The following OPCML variants were observed in gnomAD, a reference collection of about 807,000 sequenced individuals.
OPCML encodes the protein opioid-binding protein/cell adhesion molecule.
OPCML carries 13 observed loss-of-function variants against 37.8 expected under a neutral mutation model. The observed-to-expected ratio is 0.34, with a 90% CI of 0.22 to 0.55. OPCML has a LOEUF of 0.55. OPCML is among the 20% of genes least tolerant of loss of function. The pLI is 0.91. For synonymous variants in OPCML, 176 were observed against 168.8 expected, an observed-to-expected ratio of 1.04 and a Z score of -0.33; for missense variants, 341 against 435.6, an observed-to-expected ratio of 0.78 and a Z score of 1.93.
intron 1 of OPCML, among the ~76,000 whole-genome samples, chr11:133,003,053 T>C (rs936808212): frequency 7.2e-5 from 11 of 152,320 alleles, no homozygotes; most frequent in Admixed American, 6.5e-4. Flanking sequence ...AACAGCAGCA[T>C]ATGCCAGATA....
At chr11:132,912,038 G>T (rs1944444526) in intron 2 of OPCML, among the ~76,000 whole-genome samples, 1 of 151,986 alleles carries the variant, frequency 6.6e-6, no homozygotes, top group Non-Finnish European at 1.5e-5. Context: ...TGAGATTCTG[G>T]GTATTAAGCT....
chr11:132,877,760 G>A (rs908658443), intron 2 of OPCML, among the ~76,000 whole-genome samples: 1 of 152,052 alleles, frequency 6.6e-6, no homozygotes, highest in African/African-American at 2.4e-5. Context: ...CTCCAAGCTG[G>A]GGTCATGCAA....
chr11:133,089,745 G>T (rs1025864669), intron 1 of OPCML, among the ~76,000 whole-genome samples: 2 of 151,224 alleles, frequency 1.3e-5, no homozygotes, highest in African/African-American at 4.9e-5. Flanking sequence ...TGTTGAGAAG[G>T]GGGGACTTCA....
chr11:133,080,798 G>A (rs375588006), intron 1 of OPCML, among the ~76,000 whole-genome samples: 24 of 152,184 alleles, frequency 1.6e-4, no homozygotes, highest in Middle Eastern at 3.4e-3. Flanking sequence ...CACCTTGCAG[G>A]CATCTGTTTG....
chr11:133,532,363 T>G lies in OPCML; in HGVS notation c.-39A>C, dbSNP rs1161108725. On this transcript the variant is annotated 5_prime_UTR_variant, in exon 1 of 8. Coordinates refer to ENST00000524381, the MANE Select transcript of OPCML (RefSeq NM_001012393.5). Reference sequence around the variant, plus strand: ...TGCTCTCAGCTGCCGGGCTTGCTACTGCTTCTGCTGCTGCTACCGCTGCTG... The same window carrying G: ...TGCTCTCAGCTGCCGGGCTTGCTACGGCTTCTGCTGCTGCTACCGCTGCTG... The G allele has an allele frequency of 2.5e-6, 4 of 1,603,798 alleles. No homozygotes were observed. Among genetic ancestry groups the G allele is most frequent in the Non-Finnish European group, 2.6e-6 (3 of 1,174,458 alleles).
rs1945605572 is a variant in OPCML, at chr11:132,745,658, C to CA, written c.147-88340dup. Reference sequence around the variant, plus strand: ...TCTCTCTTTCTTGAGGGTTTTTCTCCATCTTCCCAACCACTTCCCTGGCTC... The same window carrying CA: ...TCTCTCTTTCTTGAGGGTTTTTCTCCAATCTTCCCAACCACTTCCCTGGCTC... On this transcript the variant is annotated intron_variant, in intron 2 of 7. Coordinates refer to ENST00000524381, the MANE Select transcript of OPCML (RefSeq NM_001012393.5). 2.0e-5 allele frequency among the ~76,000 whole-genome samples: 3 copies of CA among 151,886 alleles called. No individual in the cohort carries two copies. In the South Asian group the frequency reaches 6.3e-4, roughly 32 times the overall value.
chr11:132,943,437 C>A lies in OPCML; in HGVS notation c.62-427G>T. The A allele has an allele frequency of 2.9e-6, 1 of 346,162 alleles. No individual in the cohort carries two copies. Among genetic ancestry groups the A allele is most frequent in the Non-Finnish European group, 5.4e-6 (1 of 183,820 alleles). 21.4% of individuals were successfully genotyped at this position (346,162 alleles called of 1,614,324 possible). The stretch of plus-strand genomic sequence containing the variant: ...ATTGCGCTTTCTCTGCCTCTCTCTT[C>A]GAGACGCTACTTTAAGATTCAGTTG... On this transcript the variant is annotated intron_variant, in intron 1 of 7. Transcript: ENST00000524381. The surrounding 1 kb of genome is among the most constrained non-coding windows in gnomAD (Gnocchi z 4.3).
intron 3 of OPCML, among the ~76,000 whole-genome samples, chr11:132,588,563 C>G (rs2096478056): frequency 6.6e-6 from 1 of 152,166 alleles, no homozygotes; most frequent in African/African-American, 2.4e-5. Flanking sequence ...CAGATGTGAG[C>G]AGCTCTGCTC....
chr11:133,059,308 G>A lies in OPCML; in HGVS notation c.62-116298C>T, dbSNP rs1948297593. Among the ~76,000 whole-genome samples the A allele has an allele frequency of 2.0e-5, 3 of 152,336 alleles. No individual in the cohort carries two copies. In the South Asian group the frequency reaches 6.2e-4, roughly 32 times the overall value. On this transcript the variant is annotated intron_variant, in intron 1 of 7. Transcript: ENST00000524381. ...GGATTCTTTCATCTGGTGGTTCTTAGAGTGTGATCCACAAATCTCTAAGAC... is the reference window on the plus strand; with the variant it reads ...GGATTCTTTCATCTGGTGGTTCTTAAAGTGTGATCCACAAATCTCTAAGAC...
chr11:133,483,795 T>TAGATAGATAGATA (rs1555165668), intron 1 of OPCML, among the ~76,000 whole-genome samples: 1 of 132,346 alleles, frequency 7.6e-6, no homozygotes. Flanking sequence ...GATACATAGA[T>TAGATAGATAGATA]GATAGATAGA....
At chr11:132,603,973 C>G (rs916637815) in intron 3 of OPCML, among the ~76,000 whole-genome samples, 1 of 152,176 alleles carries the variant, frequency 6.6e-6, no homozygotes, top group African/African-American at 2.4e-5. Flanking sequence ...TATCAGTGAA[C>G]TTGCAAGGGG....
At chr11:132,794,126 T>C (rs1938138432) in intron 2 of OPCML, among the ~76,000 whole-genome samples, 1 of 152,226 alleles carries the variant, frequency 6.6e-6, no homozygotes, top group East Asian at 1.9e-4. Context: ...GTGCCCTTGT[T>C]AGCCCCCTCC....
chr11:132,739,850 T>C (rs1945381331), intron 2 of OPCML, among the ~76,000 whole-genome samples: 1 of 152,140 alleles, frequency 6.6e-6, no homozygotes, highest in Non-Finnish European at 1.5e-5. Context: ...TCAATGCCTC[T>C]CTGGACCCCA....
intron 1 of OPCML, among the ~76,000 whole-genome samples, chr11:132,968,137 G>A (rs1359689086): frequency 2.0e-5 from 3 of 152,102 alleles, no homozygotes; most frequent in African/African-American, 7.2e-5. Flanking sequence ...TTTTATTTTG[G>A]TGGGTGCTGA....
At chr11:132,682,162 T>C (rs1184474121) in intron 2 of OPCML, among the ~76,000 whole-genome samples, 1 of 152,050 alleles carries the variant, frequency 6.6e-6, no homozygotes, top group African/African-American at 2.4e-5. Context: ...TCCTGCACCC[T>C]CTCACCTGAG....
intron 3 of OPCML, among the ~76,000 whole-genome samples, chr11:132,584,415 AAGG>A (rs1164446760): frequency 6.6e-6 from 1 of 152,204 alleles, no homozygotes; most frequent in East Asian, 1.9e-4. Context: ...TGTTTATTTG[AAGG>A]TCAATTATTC....
At chr11:133,336,753 C>T (rs1405679304) in intron 1 of OPCML, among the ~76,000 whole-genome samples, 1 of 152,226 alleles carries the variant, frequency 6.6e-6, no homozygotes, top group African/African-American at 2.4e-5. Flanking sequence ...CTTAGCATCT[C>T]TCTTTCCTTA....
Position 133,173,607 on chromosome 11 carries a change from A to G in OPCML, c.62-230597T>C, listed in dbSNP as rs994361679. ...CACATCACCTTTCAAATCACCCCCCAGATGCCTCTCATTGCAAAAATTAGC... is the reference window on the plus strand; with the variant it reads ...CACATCACCTTTCAAATCACCCCCCGGATGCCTCTCATTGCAAAAATTAGC... On this transcript the variant is annotated intron_variant, in intron 1 of 7. Transcript: ENST00000524381. The surrounding 1 kb of genome is among the most constrained non-coding windows in gnomAD (Gnocchi z 7.8). Among the ~76,000 whole-genome samples, 1 of 152,118 alleles carries G rather than the reference A, an allele frequency of 6.6e-6. No homozygotes were observed. Among genetic ancestry groups the G allele is most frequent in the Non-Finnish European group, 1.5e-5 (1 of 68,002 alleles).
At chr11:132,950,947 G>A (rs1323784747) in intron 1 of OPCML, among the ~76,000 whole-genome samples, 2 of 152,158 alleles carry the variant, frequency 1.3e-5, no homozygotes, top group African/African-American at 2.4e-5. Flanking sequence ...TGAGTCGAAG[G>A]ACCTGGGTTT....
Sources: allele counts gnomAD v4.1 joint callset (sites outside exome capture counted in the v4.1 genomes callset), GRCh38; gene constraint gnomAD v4.1.1; non-coding constraint Gnocchi (gnomAD v3.1); transcripts MANE v1.5; gene names NCBI Gene and HGNC (gene_info 2026-07-23, HGNC 2026-07-21).